PPP2R2B: variants seen among roughly 807,000 people sequenced by gnomAD.
PPP2R2B encodes serine/threonine-protein phosphatase 2A 55 kDa regulatory subunit B beta isoform.
PPP2R2B carries 5 observed loss-of-function variants against 46.0 expected under a neutral mutation model. The observed-to-expected ratio is 0.11, with a 90% confidence interval of 0.06 to 0.23. The LOEUF is 0.23. Among genes scored for constraint, PPP2R2B ranks in the 10% least tolerant of loss-of-function variants. The probability of loss-of-function intolerance (pLI) is 1.00; values close to 1 mark genes in which losing one functional copy is unlikely to be tolerated. For missense variants in PPP2R2B, 367 were observed against 575.0 expected, an observed-to-expected ratio of 0.64 and a Z score of 3.70; for synonymous variants, 215 against 206.7, an observed-to-expected ratio of 1.04 and a Z score of -0.34.
At chr5:146,749,331 G>A (rs769029455) in intron 2 of PPP2R2B, among the ~76,000 whole-genome samples, 20 of 151,772 alleles carry the variant, frequency 1.3e-4, no homozygotes, top group Non-Finnish European at 2.1e-4. Flanking sequence ...ATTTTCTTCC[G>A]GCCTGTAGTT....
Position 146,793,760 on chromosome 5 carries a change from G to T in PPP2R2B, c.70+84242C>A, listed in dbSNP as rs1046965184. Among the ~76,000 whole-genome samples the T allele has an allele frequency of 3.3e-5, 5 of 152,234 alleles. No homozygotes were observed. In the South Asian group the frequency reaches 1.0e-3, roughly 32 times the overall value. On this transcript the variant is annotated intron_variant, in intron 2 of 9. Coordinates refer to ENST00000394411, the MANE Select transcript of PPP2R2B (RefSeq NM_181675.4). ...ATACATGTTTAGGGTTAGAAATAAC[G>T]AGAATATAAAGGACCTAAGTGTGGG...
At chr5:146,707,046 C>G (rs920837776) in intron 2 of PPP2R2B, 1 of 1,105,202 alleles carries the variant, frequency 9.0e-7, no homozygotes, top group South Asian at 1.2e-5. Context: ...ATTCATTCTC[C>G]GTCTCTGTAC....
intron 2 of PPP2R2B, among the ~76,000 whole-genome samples, chr5:146,833,818 TAACA>T (rs1004213592): frequency 1.2e-4 from 16 of 137,528 alleles, no homozygotes; most frequent in African/African-American, 4.3e-4. Context: ...CCTCATCCCC[TAACA>T]ATCAATAGTT....
At chr5:146,819,628 T>C (rs912101233) in intron 2 of PPP2R2B, among the ~76,000 whole-genome samples, 3 of 152,198 alleles carry the variant, frequency 2.0e-5, no homozygotes, top group African/African-American at 7.2e-5. Flanking sequence ...GCTTTCTATG[T>C]TTTTTTGTAT....
chr5:146,989,563 A>G (rs764931072), intron 1 of PPP2R2B, among the ~76,000 whole-genome samples: 13 of 152,086 alleles, frequency 8.5e-5, no homozygotes, highest in Non-Finnish European at 1.8e-4. Flanking sequence ...TCATGATAAG[A>G]ACTTTTGACA....
intron 2 of PPP2R2B, among the ~76,000 whole-genome samples, chr5:146,772,817 C>T (rs1220036172): frequency 6.6e-6 from 1 of 152,124 alleles, no homozygotes; most frequent in East Asian, 1.9e-4. Context: ...CAACATTGCT[C>T]ATAATCAGAA....
At chr5:146,723,593 T>G (rs1354547361) in intron 2 of PPP2R2B, among the ~76,000 whole-genome samples, 1 of 152,158 alleles carries the variant, frequency 6.6e-6, no homozygotes. Context: ...AATAAACACA[T>G]GAATCCTTTG....
Position 147,008,644 on chromosome 5 carries a change from C to T in PPP2R2B, c.79+47021G>A, listed in dbSNP as rs141690954. On this transcript the variant is annotated intron_variant, in intron 1 of 8. Coordinates refer to the PPP2R2B transcript ENST00000336640. ...CTTTGAGATCTAGCTCAAGAGTCACCTCTTCTAAGAGGCCTTCCTCAACCC... is the reference window on the plus strand; with the variant it reads ...CTTTGAGATCTAGCTCAAGAGTCACTTCTTCTAAGAGGCCTTCCTCAACCC... Among the ~76,000 whole-genome samples the T allele has an allele frequency of 4.2e-4, 64 of 152,234 alleles. No individual in the cohort carries two copies. The East Asian group carries it at 0.012, about 29-fold the overall frequency.
intron 1 of PPP2R2B, among the ~76,000 whole-genome samples, chr5:146,958,165 G>C (rs1395493646): frequency 9.2e-5 from 14 of 152,078 alleles, no homozygotes; most frequent in Non-Finnish European, 2.1e-4. Flanking sequence ...ATCTCCCGAA[G>C]GCCCCACCCT....
At chr5:146,833,893 C>T (rs1196545050) in intron 2 of PPP2R2B, among the ~76,000 whole-genome samples, 2 of 152,140 alleles carry the variant, frequency 1.3e-5, no homozygotes, top group Non-Finnish European at 2.9e-5. Flanking sequence ...TCACATAACA[C>T]TGCAGGGAAA....
chr5:146,967,255 A>C (rs1435298768), intron 1 of PPP2R2B, among the ~76,000 whole-genome samples: 2 of 152,194 alleles, frequency 1.3e-5, no homozygotes, highest in African/African-American at 4.8e-5. Flanking sequence ...CTTTCTCCCA[A>C]GCTAAATCTC....
intron 5 of PPP2R2B, among the ~76,000 whole-genome samples, chr5:146,685,864 G>C (rs72652843): frequency 0.06 from 9,095 of 152,140 alleles, 381 homozygotes; most frequent in East Asian, 0.22. Flanking sequence ...GGCAGAAAAG[G>C]CTCTGCAGCC....
At chr5:146,819,286 G>C (rs1035365263) in intron 2 of PPP2R2B, among the ~76,000 whole-genome samples, 1 of 152,138 alleles carries the variant, frequency 6.6e-6, no homozygotes, top group Non-Finnish European at 1.5e-5. Flanking sequence ...TTCTCAGTGG[G>C]CTACATGGAG....
chr5:146,726,642 T>A (rs959127434), intron 2 of PPP2R2B, among the ~76,000 whole-genome samples: 1 of 152,184 alleles, frequency 6.6e-6, no homozygotes, highest in African/African-American at 2.4e-5. Context: ...AACCAGTTAG[T>A]AGTGGAGCTA....
At chr5:146,808,501 A>C (rs1757328385) in intron 2 of PPP2R2B, among the ~76,000 whole-genome samples, 1 of 152,162 alleles carries the variant, frequency 6.6e-6, no homozygotes, top group South Asian at 2.1e-4. Context: ...TCAGAGCCCC[A>C]TTCACTAAGA....
At chr5:146,833,009 G>T (rs190956449) in intron 2 of PPP2R2B, among the ~76,000 whole-genome samples, 203 of 151,688 alleles carry the variant, frequency 1.3e-3, no homozygotes, top group African/African-American at 4.7e-3. Flanking sequence ...AACTAGATAG[G>T]GAAGGTATTT....
intron 2 of PPP2R2B, among the ~76,000 whole-genome samples, chr5:146,704,678 G>A (rs1252413529): frequency 6.6e-6 from 1 of 152,102 alleles, no homozygotes; most frequent in East Asian, 1.9e-4. Context: ...ACAAGATGGT[G>A]GCCTGGTAAC....
At chr5:146,657,106 T>G (rs1476600915) in intron 5 of PPP2R2B, among the ~76,000 whole-genome samples, 1 of 152,184 alleles carries the variant, frequency 6.6e-6, no homozygotes, top group South Asian at 2.1e-4. Context: ...TTCAGAGACA[T>G]GCAATTAAAG....
chr5:146,776,247 C>T (rs913828497), intron 2 of PPP2R2B, among the ~76,000 whole-genome samples: 11 of 152,068 alleles, frequency 7.2e-5, no homozygotes, highest in African/African-American at 2.4e-4. Flanking sequence ...AATTTCAAAA[C>T]TTACTTACTG....
Sources: gnomAD v4.1 joint callset for allele counts (sites outside exome capture counted in the v4.1 genomes callset) on GRCh38, gnomAD v4.1.1 for gene constraint, MANE v1.5 for transcripts, NCBI Gene and HGNC (gene_info 2026-07-23, HGNC 2026-07-21) for gene names.